COLEC10: variants seen among roughly 807,000 people sequenced by gnomAD.
COLEC10 encodes collectin subfamily member 10.
COLEC10 carries 22 observed loss-of-function variants against 28.4 expected under a neutral mutation model. The observed-to-expected ratio is 0.78, with a 90% CI of 0.55 to 1.11. COLEC10 has a LOEUF of 1.11. Among genes scored for constraint, COLEC10 ranks in the 50% least tolerant of loss-of-function variants. The probability of loss-of-function intolerance (pLI) is 0.00; values close to 1 mark genes in which losing one functional copy is unlikely to be tolerated. For missense variants in COLEC10, 361 were observed against 344.1 expected, an observed-to-expected ratio of 1.05 and a Z score of -0.39; for synonymous variants, 125 against 116.1, an observed-to-expected ratio of 1.08 and a Z score of -0.49.
Position 119,082,462 on chromosome 8 carries a change from C to T in COLEC10, c.149-7218C>T, listed in dbSNP as rs147196184. On this transcript the variant is annotated intron_variant, in intron 1 of 5. Transcript: ENST00000332843. ...AATCACCTATTTACTGCTTCTCAGA[C>T]TCTGTGCCAAGTGCTAGGAATACAG... 8.5e-5 allele frequency among the ~76,000 whole-genome samples: 13 copies of T among 152,364 alleles called. No individual in the cohort carries two copies. In the East Asian group the frequency reaches 2.1e-3, roughly 25 times the overall value.
At chr8:119,090,541 C>T (rs574954435) in intron 2 of COLEC10, among the ~76,000 whole-genome samples, 18 of 152,168 alleles carry the variant, frequency 1.2e-4, no homozygotes, top group Admixed American at 3.3e-4. Context: ...ATATGCATGT[C>T]GATTACAAGA....
chr8:119,080,482 T>C lies in COLEC10; in HGVS notation c.149-9198T>C, dbSNP rs925258276. On this transcript the variant is annotated intron_variant, in intron 1 of 5. Transcript: ENST00000332843. ...ATACTCCAAGGCAACAATTAGAAAATAGTAACAAGGAACCAGATGGTGAAT... is the reference window on the plus strand; with the variant it reads ...ATACTCCAAGGCAACAATTAGAAAACAGTAACAAGGAACCAGATGGTGAAT... 2.9e-4 allele frequency among the ~76,000 whole-genome samples: 44 copies of C among 152,056 alleles called. 1 individual carries two copies. Among genetic ancestry groups the C allele is most frequent in the Middle Eastern group, 3.4e-3 (1 of 294 alleles).
intron 3 of COLEC10, among the ~76,000 whole-genome samples, chr8:119,096,209 T>C (rs1371064106): frequency 2.0e-5 from 3 of 152,190 alleles, no homozygotes; most frequent in Non-Finnish European, 4.4e-5. Flanking sequence ...GTCTATATTT[T>C]TGATCCTAGG....
chr8:119,063,534 C>A (rs1005925196), upstream of COLEC10, among the ~76,000 whole-genome samples: 8 of 151,996 alleles, frequency 5.3e-5, no homozygotes, highest in African/African-American at 1.9e-4. Flanking sequence ...TCTCTGTCTC[C>A]CTCCTTTGGG....
chr8:119,004,369 T>A (rs1033317567), intron 1 of COLEC10, among the ~76,000 whole-genome samples: 1 of 151,672 alleles, frequency 6.6e-6, no homozygotes. Context: ...AATCTTCTCC[T>A]TTTTTCCTAA....
In COLEC10 at chr8:119,105,915, C is replaced by A; in HGVS notation, c.558C>A (p.Pro186=). The change falls in exon 6 of 6, where the codon CCC becomes CCA. Residue 186 remains proline, a synonymous_variant. Coordinates refer to ENST00000332843, the MANE Select transcript of COLEC10 (RefSeq NM_006438.5). ...TTCGGGGTGGAATGCTAGCCATGCCCAAGGATGAAGCTGCCAACACACTCA... is the reference window on the plus strand; with the variant it reads ...TTCGGGGTGGAATGCTAGCCATGCCAAAGGATGAAGCTGCCAACACACTCA... ...CRIRGGMLAM[P]KDEAANTLIA... is the part of the protein sequence containing the mutation. 3.1e-6 allele frequency: 5 copies of A among 1,613,830 alleles called. No individual in the cohort carries two copies. The highest frequency in any genetic ancestry group is 4.2e-6 in the Non-Finnish European group (5 of 1,179,880).
chr8:119,016,853 A>G (rs925514877), intron 2 of COLEC10, among the ~76,000 whole-genome samples: 1 of 152,094 alleles, frequency 6.6e-6, no homozygotes. Context: ...AGTATCTGGG[A>G]CTACAGGTAC....
chr8:119,004,860 C>T (rs149485954), intron 1 of COLEC10, among the ~76,000 whole-genome samples: 1 of 149,566 alleles, frequency 6.7e-6, no homozygotes, highest in African/African-American at 2.5e-5. Context: ...AGAGATTATT[C>T]TCTGTATATT....
chr8:119,054,967 T>C (rs1171004767), intron 2 of COLEC10, among the ~76,000 whole-genome samples: 1 of 152,046 alleles, frequency 6.6e-6, no homozygotes, highest in African/African-American at 2.4e-5. Context: ...AAATACATTT[T>C]GAGAATTTTA....
chr8:118,983,485 T>C, the COLEC10 span, among the ~76,000 whole-genome samples: 1 of 152,088 alleles, frequency 6.6e-6, no homozygotes, highest in South Asian at 2.1e-4. Flanking sequence ...CTTAATAAAA[T>C]CATCCAGAAT....
At chr8:119,064,939 G>A (rs181354496), upstream of COLEC10, among the ~76,000 whole-genome samples, 4 of 152,150 alleles carry the variant, frequency 2.6e-5, no homozygotes, top group Admixed American at 2.0e-4. Flanking sequence ...TGAGATAAAC[G>A]CAAGTTGAGA....
intron 1 of COLEC10, among the ~76,000 whole-genome samples, chr8:119,074,829 A>G (rs949130064): frequency 1.3e-5 from 2 of 152,204 alleles, no homozygotes; most frequent in Non-Finnish European, 2.9e-5. Flanking sequence ...TAACAGTGGT[A>G]AATACGCCTA....
intron 3 of COLEC10, among the ~76,000 whole-genome samples, chr8:119,098,533 A>C (rs891844204): frequency 6.6e-6 from 1 of 152,042 alleles, no homozygotes; most frequent in African/African-American, 2.4e-5. Context: ...AAATGAATGA[A>C]AGGTTCACTG....
intron 1 of COLEC10, among the ~76,000 whole-genome samples, chr8:118,998,846 C>CAAAAAAAAA (rs567463648): frequency 2.6e-5 from 2 of 76,630 alleles, no homozygotes; most frequent in Admixed American, 1.6e-4. Context: ...GACTCCGTCT[C>CAAAAAAAAA]AAAAAAAAAA....
In COLEC10 at chr8:119,104,632, T is replaced by G. The variant is rs1815902386; in HGVS notation, c.442+737T>G. The stretch of plus-strand genomic sequence containing the variant: ...TTGGTTTCTTTTTCTTATACTTTCA[T>G]TTATTGTAACTCAGCAATATTTGCT... On this transcript the variant is annotated intron_variant, in intron 5 of 5. Coordinates refer to ENST00000332843, the MANE Select transcript of COLEC10 (RefSeq NM_006438.5). Among the ~76,000 whole-genome samples, 3 of 152,298 alleles carry G rather than the reference T, an allele frequency of 2.0e-5. No individual in the cohort carries two copies. The South Asian group carries it at 6.2e-4, about 32-fold the overall frequency.
chr8:119,004,435 G>A (rs759925984), intron 1 of COLEC10, among the ~76,000 whole-genome samples: 2 of 151,496 alleles, frequency 1.3e-5, no homozygotes, highest in South Asian at 2.1e-4. Context: ...TCTTTCTGAC[G>A]CCATTGTTTA....
chr8:119,001,070 G>A (rs1813689047), intron 1 of COLEC10, among the ~76,000 whole-genome samples: 1 of 152,176 alleles, frequency 6.6e-6, no homozygotes, highest in Admixed American at 6.5e-5. Context: ...ATATGAGTGA[G>A]CTTCAGGGGT....
At chr8:119,015,844 A>G (rs1392843676) in intron 2 of COLEC10, among the ~76,000 whole-genome samples, 1 of 152,124 alleles carries the variant, frequency 6.6e-6, no homozygotes, top group Non-Finnish European at 1.5e-5. Context: ...AGTTCCTTAC[A>G]TGCTGTACTA....
the COLEC10 span, among the ~76,000 whole-genome samples, chr8:118,980,855 G>C: frequency 6.6e-6 from 1 of 151,906 alleles, no homozygotes; most frequent in African/African-American, 2.4e-5. Flanking sequence ...TTTTCCTATG[G>C]CTCAAATGTG....
Sources: allele counts gnomAD v4.1 joint callset (sites outside exome capture counted in the v4.1 genomes callset), GRCh38; gene constraint gnomAD v4.1.1; transcripts MANE v1.5; gene names NCBI Gene and HGNC (gene_info 2026-07-23, HGNC 2026-07-21).